MAX: variants seen among roughly 807,000 people sequenced by gnomAD.
The protein encoded by MAX is protein max.
A neutral mutation model predicts 22.3 loss-of-function variants in MAX; 3 were observed. The observed-to-expected ratio is 0.13, with a 90% confidence interval of 0.06 to 0.35. MAX has a LOEUF of 0.35. Ranked by LOEUF, MAX falls within the 10% of genes least tolerant of loss-of-function variation. The pLI, the probability that MAX is intolerant of heterozygous loss-of-function variation, is 1.00. For missense variants in MAX, 119 were observed against 209.4 expected (o/e 0.57, Z 2.66); for synonymous variants, 72 against 77.7 (o/e 0.93, Z 0.39).
intron 2 of MAX, among the ~76,000 whole-genome samples, chr14:65,098,015 C>A (rs1268038421): frequency 6.6e-6 from 1 of 152,148 alleles, no homozygotes; most frequent in Non-Finnish European, 1.5e-5. Flanking sequence ...CCAAACAGGG[C>A]CTCATACTAT....
In MAX at chr14:65,088,534, G is replaced by A. The variant is rs560950161; in HGVS notation, c.171+5174C>T. 6.6e-6 allele frequency among the ~76,000 whole-genome samples: 1 copy of A among 152,296 alleles called. No homozygotes were observed. Among genetic ancestry groups the A allele is most frequent in the South Asian group, 2.1e-4 (1 of 4,826 alleles). On this transcript the variant is annotated intron_variant, in intron 3 of 4. Transcript: ENST00000358664. This position sits in a 1 kb window ranked among gnomAD's most constrained non-coding sequence, Gnocchi z 5.2. ...GCTATAGTTTACATTTCATTTAAAC[G>A]ACAATCCCTCTAGCAGCTCAGATAT...
At position 65,082,110 on chromosome 14, in the gene MAX, G is replaced by C. The variant is rs142785338; in HGVS notation, c.172-4074C>G. On this transcript the variant is annotated intron_variant, in intron 3 of 4. Coordinates refer to ENST00000358664, the MANE Select transcript of MAX (RefSeq NM_002382.5). The surrounding 1 kb of genome is among the most constrained non-coding windows in gnomAD (Gnocchi z 4.8). ...TTATAAATGAGGAAACCGAGACACA[G>C]AGCTGTAATTTACCCAATGTTATGT... 6.6e-6 allele frequency: 1 copy of C among 152,298 alleles called. No homozygotes were observed. The highest frequency in any genetic ancestry group is 6.5e-5 in the Admixed American group (1 of 15,300). 9.4% of individuals were successfully genotyped at this position (152,298 alleles called of 1,614,324 possible).
At position 65,101,589 on chromosome 14, in the gene MAX, A is replaced by G. The variant is rs2139965211; in HGVS notation, c.37-17T>C. 1.3e-6 allele frequency: 2 copies of G among 1,577,394 alleles called. No homozygotes were observed. The highest frequency in any genetic ancestry group is 1.7e-6 in the Non-Finnish European group (2 of 1,152,078). On this transcript the variant is annotated splice_polypyrimidine_tract_variant and intron_variant, in intron 1 of 4. Transcript: ENST00000358664. ...TTGCTCTTCCTGGAATAAGAGAGAA[A>G]AAAAAAAATAGAAAATATAGAAGTT...
At chr14:65,063,968 A>T (rs1444469193) in intron 3 of MAX, among the ~76,000 whole-genome samples, 1 of 152,116 alleles carries the variant, frequency 6.6e-6, no homozygotes, top group Non-Finnish European at 1.5e-5. Flanking sequence ...ACTAATACAG[A>T]TCTCTGTATC....
rs370873721 is a variant in MAX, at chr14:65,064,425, A to G, written c.171+29283T>C. Among the ~76,000 whole-genome samples, 31 of 152,326 alleles carry G rather than the reference A, an allele frequency of 2.0e-4. No individual in the cohort carries two copies. In the East Asian group the frequency reaches 5.6e-3, roughly 27 times the overall value. The stretch of plus-strand genomic sequence containing the variant: ...GTCCAGGAATTAGGCTGGTCCTATT[A>G]GGTTCCTCACCCTCCCTCCATCTTT... On this transcript the variant is annotated intron_variant, in intron 3 of 3. Coordinates refer to the MAX transcript ENST00000341653.
Position 65,009,639 on chromosome 14 carries a change from C to T in MAX, c.172-3355G>A, listed in dbSNP as rs566360145. On this transcript the variant is annotated intron_variant, in intron 3 of 3. Coordinates refer to the MAX transcript ENST00000341653. The surrounding 1 kb of genome is among the most constrained non-coding windows in gnomAD (Gnocchi z 4.2). The stretch of plus-strand genomic sequence containing the variant: ...CTCCTCCATCCTCTTTACAGACCTT[C>T]CCTATGGATTTCCTCTGAGCTTTTG... 4.6e-5 allele frequency among the ~76,000 whole-genome samples: 7 copies of T among 152,314 alleles called. No homozygotes were observed. Among genetic ancestry groups the T allele is most frequent in the African/African-American group, 1.7e-4 (7 of 41,558 alleles).
chr14:65,006,121 A>G (rs2139485695), downstream of MAX: 1 of 1,595,838 alleles, frequency 6.3e-7, no homozygotes, highest in Non-Finnish European at 8.5e-7. Context: ...CTGGAACATT[A>G]TAAATAGGTC....
chr14:65,045,163 A>G (rs950398209), intron 3 of MAX, among the ~76,000 whole-genome samples: 7 of 152,070 alleles, frequency 4.6e-5, no homozygotes, highest in Non-Finnish European at 1.0e-4. Context: ...TCTGCCTGCT[A>G]ACTCCTGCAC....
chr14:65,102,080 C>T (rs1389525602), intron 1 of MAX, among the ~76,000 whole-genome samples: 1 of 152,138 alleles, frequency 6.6e-6, no homozygotes, highest in African/African-American at 2.4e-5. Flanking sequence ...GGTGGGGGTC[C>T]CAGAAGCCGC....
intron 3 of MAX, among the ~76,000 whole-genome samples, chr14:65,067,793 ATTTTT>A (rs59262877): frequency 8.1e-6 from 1 of 123,158 alleles, no homozygotes; most frequent in Non-Finnish European, 1.8e-5. Flanking sequence ...AGCTAATTAC[ATTTTT>A]TTTTTTTTTT....
chr14:65,016,257 C>G (rs750174840), intron 3 of MAX, among the ~76,000 whole-genome samples: 13 of 152,214 alleles, frequency 8.5e-5, no homozygotes, highest in Non-Finnish European at 1.8e-4. Context: ...GAGATCTAAG[C>G]AACTGAGCTT....
intron 3 of MAX, among the ~76,000 whole-genome samples, chr14:65,051,710 CT>C (rs2062615125): frequency 6.6e-6 from 1 of 151,672 alleles, no homozygotes; most frequent in South Asian, 2.1e-4. Flanking sequence ...TTTTAGAAAT[CT>C]TTTCCCCCGT....
intron 3 of MAX, among the ~76,000 whole-genome samples, chr14:65,026,175 G>T (rs2061977104): frequency 6.6e-6 from 1 of 152,182 alleles, no homozygotes; most frequent in Admixed American, 6.5e-5. Context: ...TGTTGTAAAT[G>T]GAGGTTTCTC....
chr14:65,073,942 C>T (rs1490115647), downstream of MAX, among the ~76,000 whole-genome samples: 2 of 152,200 alleles, frequency 1.3e-5, no homozygotes, highest in Admixed American at 1.3e-4. Flanking sequence ...TCTAGAGAAG[C>T]CTAAACTCAA....
chr14:65,065,493 C>T (rs2062922851), intron 3 of MAX, among the ~76,000 whole-genome samples: 1 of 152,192 alleles, frequency 6.6e-6, no homozygotes, highest in Non-Finnish European at 1.5e-5. Context: ...CCCTACCGCA[C>T]ACCTAGGCTA....
intron 2 of MAX, among the ~76,000 whole-genome samples, chr14:65,099,710 A>T (rs1202125754): frequency 4.0e-5 from 6 of 151,232 alleles, no homozygotes; most frequent in African/African-American, 1.2e-4. Flanking sequence ...GGAAAAAAAA[A>T]GTTTTCAACA....
rs117439576 is a variant in MAX at position 65,035,667 on chromosome 14, C to G, written c.172-29383G>C. On this transcript the variant is annotated intron_variant, in intron 3 of 3. Coordinates refer to the MAX transcript ENST00000341653. ...ATCTCAACCTCCTAAGTAGCTGGGA[C>G]AACAAGCGCGTGCCACCATAACCAG... 3.6e-3 allele frequency among the ~76,000 whole-genome samples: 547 copies of G among 151,842 alleles called. 8 individuals are homozygous for G. The East Asian group carries it at 0.038, about 11-fold the overall frequency.
intron 3 of MAX, among the ~76,000 whole-genome samples, chr14:65,066,790 A>G (rs897285665): frequency 6.8e-6 from 1 of 146,978 alleles, no homozygotes; most frequent in Non-Finnish European, 1.5e-5. Flanking sequence ...TGAACCCAGG[A>G]GGCAGAGGTT....
In MAX at chr14:65,076,138, T is replaced by A; in HGVS notation, c.*338A>T. On this transcript the variant is annotated 3_prime_UTR_variant, in exon 5 of 5. Coordinates refer to ENST00000358664, the MANE Select transcript of MAX (RefSeq NM_002382.5). This position sits in a 1 kb window ranked among gnomAD's most constrained non-coding sequence, Gnocchi z 6.6. ...ATGTGCCCGGCAGGGCTGGAGGAGC[T>A]GGTAGGGTGGGCAGGACACTATGTG... 1 of 1,311,862 alleles carries A rather than the reference T, an allele frequency of 7.6e-7. No homozygotes were observed. The allele number at this position is 1,311,862 out of a possible 1,614,324, so 81.3% of individuals were successfully genotyped here.
Sources: gnomAD v4.1 joint callset for allele counts (sites outside exome capture counted in the v4.1 genomes callset) on GRCh38, gnomAD v4.1.1 for gene constraint, Gnocchi (gnomAD v3.1) non-coding constraint, MANE v1.5 for transcripts, NCBI Gene and HGNC (gene_info 2026-07-23, HGNC 2026-07-21) for gene names.